Variants in MAPK4 observed in about 807,000 individuals in gnomAD.
The protein encoded by MAPK4 is mitogen-activated protein kinase 4.
In MAPK4, 22 loss-of-function variants were observed where a neutral mutation model predicts 47.7. The observed-to-expected ratio is 0.46, with a 90% confidence interval of 0.33 to 0.66. MAPK4 has a LOEUF of 0.66. MAPK4 is among the 30% of genes least tolerant of loss of function. MAPK4 has a pLI of 0.02. For missense variants in MAPK4, 736 were observed against 831.7 expected, an observed-to-expected ratio of 0.88 and a Z score of 1.42; for synonymous variants, 390 against 365.7, an observed-to-expected ratio of 1.07 and a Z score of -0.76.
At position 50,729,218 on chromosome 18, in the gene MAPK4, C is replaced by T. The variant is rs746060254; in HGVS notation, c.1128C>T (p.Ser376=). ...GGCCTGACCGGTGCCAGGACGCCAG[C>T]GAGGTACAGCGCGACCCGCGCGCGG... ...EWRPDRCQDA[S]EVQRDPRAGS... Residue 376 remains serine (S), a synonymous_variant, in exon 6 of 6, where the codon AGC becomes AGT. Coordinates refer to ENST00000400384, the MANE Select transcript of MAPK4 (RefSeq NM_002747.4). The T allele has an allele frequency of 6.2e-7, 1 of 1,600,966 alleles. No individual in the cohort carries two copies. The highest frequency in any genetic ancestry group is 8.5e-7 in the Non-Finnish European group (1 of 1,170,394).
At chr18:50,671,201 G>A (rs1158198441) in intron 2 of MAPK4, among the ~76,000 whole-genome samples, 1 of 152,182 alleles carries the variant, frequency 6.6e-6, no homozygotes, top group Non-Finnish European at 1.5e-5. Context: ...ACTTTGGAGG[G>A]CCTCACTCAC....
intron 1 of MAPK4, among the ~76,000 whole-genome samples, chr18:50,641,060 G>GA (rs35134791): frequency 1.3e-5 from 2 of 151,744 alleles, no homozygotes; most frequent in African/African-American, 4.8e-5. Context: ...CTGTCACCTG[G>GA]AAAAAAAAGG....
At chr18:50,656,626 A>C (rs563050550) in intron 1 of MAPK4, among the ~76,000 whole-genome samples, 61 of 152,308 alleles carry the variant, frequency 4.0e-4, no homozygotes, top group African/African-American at 1.4e-3. Flanking sequence ...AACCAGGATC[A>C]CTGGGGCATC....
intron 2 of MAPK4, among the ~76,000 whole-genome samples, chr18:50,698,508 G>A (rs1297232861): frequency 6.6e-6 from 1 of 152,074 alleles, no homozygotes; most frequent in African/African-American, 2.4e-5. Flanking sequence ...AATTGAATCA[G>A]TAGCTAAAAC....
At chr18:50,582,539 T>C (rs918540020) in intron 1 of MAPK4, among the ~76,000 whole-genome samples, 2 of 152,270 alleles carry the variant, frequency 1.3e-5, no homozygotes, top group Non-Finnish European at 2.9e-5. Flanking sequence ...GCAGCATCAG[T>C]AGCCGCACCT....
rs777672526 is a variant in MAPK4 at position 50,664,421 on chromosome 18, A to G, written c.463A>G (p.Ile155Val). 6 of 1,614,030 alleles carry G rather than the reference A, an allele frequency of 3.7e-6. No individual in the cohort carries two copies. The highest frequency in any genetic ancestry group is 5.1e-6 in the Non-Finnish European group (6 of 1,180,026). ...GCACAGGGACCTGAAGCCCGCCAACATCTTCATCAGCACAGAGGACCTCGT... is the reference window on the plus strand; with the variant it reads ...GCACAGGGACCTGAAGCCCGCCAACGTCTTCATCAGCACAGAGGACCTCGT... ...VLHRDLKPAN[I>V]FISTEDLVLK... Residue 155 changes from isoleucine (I) to valine (V), a missense_variant, in exon 2 of 6, where the codon ATC becomes GTC. Physicochemically the swap from Ile to Val is conservative, Grantham distance 29. This residue lies in a region of MAPK4 where 327 missense variants were observed against 395.4 expected (regional missense o/e 0.83). Transcript: ENST00000400384. This position sits in a 1 kb window ranked among gnomAD's most constrained non-coding sequence, Gnocchi z 6.0.
rs962758545 is a variant in MAPK4 at position 50,731,731 on chromosome 18, G to T, written c.*1877G>T. On this transcript the variant is annotated 3_prime_UTR_variant, in exon 6 of 6. Coordinates refer to ENST00000400384, the MANE Select transcript of MAPK4 (RefSeq NM_002747.4). ...GAGTTCATATATAACTGTTATTACA[G>T]AGGAATTGTTATAACTACTAATGTT... The T allele has an allele frequency of 1.3e-5, 2 of 152,198 alleles. No homozygotes were observed. Among genetic ancestry groups the T allele is most frequent in the Non-Finnish European group, 2.9e-5 (2 of 68,046 alleles). The allele number at this position is 152,198 out of a possible 1,614,324, so 9.4% of individuals were successfully genotyped here.
chr18:50,730,629 G>A lies in MAPK4; in HGVS notation c.*775G>A, dbSNP rs1371398784. On this transcript the variant is annotated 3_prime_UTR_variant, in exon 6 of 6. Transcript: ENST00000400384. ...AGGTCAGAACAGCCTGGGGTCTGTG[G>A]GTAAAATCAGCCCTTCTCCCAGGCC... 1.3e-5 allele frequency: 2 copies of A among 152,492 alleles called. No homozygotes were observed. Among genetic ancestry groups the A allele is most frequent in the African/African-American group, 4.8e-5 (2 of 41,378 alleles). The allele number at this position is 152,492 out of a possible 1,614,324, so 9.4% of individuals were successfully genotyped here. A position where few individuals can be genotyped will look rare whatever the true frequency, so the allele number is the denominator to read the frequency against.
At chr18:50,662,422 A>G (rs3813086) in intron 1 of MAPK4, among the ~76,000 whole-genome samples, 109,607 of 152,140 alleles carry the variant, frequency 0.72, 39,838 homozygotes, top group East Asian at 0.79. Context: ...CACATTGTCA[A>G]AAAGAATACA....
intron 1 of MAPK4, among the ~76,000 whole-genome samples, chr18:50,575,187 A>G (rs1344553725): frequency 6.6e-6 from 1 of 152,232 alleles, no homozygotes; most frequent in Non-Finnish European, 1.5e-5. Context: ...GCCTTCTGCC[A>G]TATGAGGACA....
chr18:50,695,368 A>T (rs1471992661), intron 2 of MAPK4, among the ~76,000 whole-genome samples: 2 of 148,904 alleles, frequency 1.3e-5, no homozygotes, highest in Non-Finnish European at 3.0e-5. Flanking sequence ...AAAAAAAGAT[A>T]GACTCAAGTC....
chr18:50,567,282 C>G (rs1233547716), intron 1 of MAPK4, among the ~76,000 whole-genome samples: 1 of 152,128 alleles, frequency 6.6e-6, no homozygotes, highest in Admixed American at 6.6e-5. Flanking sequence ...ATGTTCCCCT[C>G]CCTGTGTCCT....
intron 2 of MAPK4, among the ~76,000 whole-genome samples, chr18:50,693,322 C>G (rs1218493780): frequency 6.6e-6 from 1 of 152,086 alleles, no homozygotes; most frequent in African/African-American, 2.4e-5. Context: ...CCTGTGTGCC[C>G]TCACTTTATA....
At chr18:50,692,790 G>T (rs1380398865) in intron 2 of MAPK4, among the ~76,000 whole-genome samples, 1 of 152,104 alleles carries the variant, frequency 6.6e-6, no homozygotes, top group East Asian at 1.9e-4. Flanking sequence ...CTCCAGCTTT[G>T]ATCGTGTCCT....
At chr18:50,610,022 A>G (rs34410047) in intron 1 of MAPK4, among the ~76,000 whole-genome samples, 25,349 of 152,146 alleles carry the variant, frequency 0.17, 2,445 homozygotes, top group Middle Eastern at 0.25. Flanking sequence ...GCAGAAAAAG[A>G]AAATGGAATT....
intron 1 of MAPK4, among the ~76,000 whole-genome samples, chr18:50,614,112 C>T (rs963907052): frequency 6.6e-6 from 1 of 152,020 alleles, no homozygotes; most frequent in Non-Finnish European, 1.5e-5. Flanking sequence ...GGGTATTCTG[C>T]TAATGGACAA....
intron 2 of MAPK4, chr18:50,706,200 C>T (rs1305742518): frequency 5.3e-5 from 8 of 152,120 alleles, no homozygotes; most frequent in Non-Finnish European, 7.4e-5. Flanking sequence ...AAAACCTCTG[C>T]GGCTACTCAA....
intron 1 of MAPK4, among the ~76,000 whole-genome samples, chr18:50,593,847 A>G (rs1239563308): frequency 1.3e-5 from 2 of 151,958 alleles, no homozygotes; most frequent in Non-Finnish European, 2.9e-5. Context: ...TTAATAGGAT[A>G]TATATATATA....
intron 1 of MAPK4, among the ~76,000 whole-genome samples, chr18:50,585,561 T>C (rs2042381158): frequency 6.6e-6 from 1 of 152,160 alleles, no homozygotes; most frequent in East Asian, 1.9e-4. Flanking sequence ...TGCAAAAGTA[T>C]GAGTATGACC....
Sources: gnomAD v4.1 joint callset for allele counts (sites outside exome capture counted in the v4.1 genomes callset) on GRCh38, gnomAD v4.1.1 for gene constraint, gnomAD v4.1.1 regional missense constraint, Gnocchi (gnomAD v3.1) non-coding constraint, MANE v1.5 for transcripts, NCBI Gene and HGNC (gene_info 2026-07-23, HGNC 2026-07-21) for gene names.